The following SGCD variants were observed in gnomAD, a reference collection of about 807,000 sequenced individuals.
The protein encoded by SGCD is sarcoglycan delta, also known as delta-sarcoglycan.
In SGCD, 18 loss-of-function variants were observed where a neutral mutation model predicts 36.6. That is an observed-to-expected ratio of 0.49 (90% confidence interval 0.34 to 0.73). The LOEUF (loss-of-function observed/expected upper bound fraction) is 0.73. Among genes scored for constraint, SGCD ranks in the 30% least tolerant of loss-of-function variants. The probability of loss-of-function intolerance (pLI) is 0.01; values close to 1 mark genes in which losing one functional copy is unlikely to be tolerated. For synonymous variants in SGCD, 133 were observed against 130.6 expected (o/e 1.02, Z -0.12); for missense variants, 387 against 346.7 (o/e 1.12, Z -0.92).
At chr5:156,705,637 G>T (rs1754710048) in intron 7 of SGCD, among the ~76,000 whole-genome samples, 1 of 152,100 alleles carries the variant, frequency 6.6e-6, no homozygotes, top group Non-Finnish European at 1.5e-5. Context: ...ACTCTCACCT[G>T]AAGGTCAGAG....
the SGCD span, among the ~76,000 whole-genome samples, chr5:155,818,726 G>A: frequency 6.6e-6 from 1 of 152,062 alleles, no homozygotes; most frequent in Non-Finnish European, 1.5e-5. Flanking sequence ...TCCCCATGCT[G>A]CCCAGACTGG....
Position 156,512,253 on chromosome 5 carries a change from T to C in SGCD, c.294+3551T>C, listed in dbSNP as rs116283038. Among the ~76,000 whole-genome samples, 430 of 150,970 alleles carry C rather than the reference T, an allele frequency of 2.8e-3. 1 individual carries two copies. The highest frequency in any genetic ancestry group is 1.0e-2 in the African/African-American group (411 of 41,114). On this transcript the variant is annotated intron_variant, in intron 4 of 8. Coordinates refer to ENST00000337851, the MANE Select transcript of SGCD (RefSeq NM_000337.6). The stretch of plus-strand genomic sequence containing the variant: ...TTTTATCAAACATTTTCCATGCATA[T>C]GTATTTTTCAACAAAACCATACCTT...
chr5:155,967,922 C>T (rs1258648495), intron 1 of SGCD, among the ~76,000 whole-genome samples: 1 of 151,978 alleles, frequency 6.6e-6, no homozygotes, highest in African/African-American at 2.4e-5. Context: ...TTCTATGTCT[C>T]ACCTTCTTCC....
chr5:156,223,756 G>A (rs974177904), intron 3 of SGCD, among the ~76,000 whole-genome samples: 12 of 152,008 alleles, frequency 7.9e-5, no homozygotes, highest in African/African-American at 2.7e-4. Flanking sequence ...GGATAGAAGT[G>A]GCATTGCTGG....
chr5:156,535,017 A>G (rs1007179451), intron 4 of SGCD, among the ~76,000 whole-genome samples: 1 of 152,226 alleles, frequency 6.6e-6, no homozygotes, highest in African/African-American at 2.4e-5. Flanking sequence ...CAGTTGACTC[A>G]TTTTGAATCC....
intron 3 of SGCD, among the ~76,000 whole-genome samples, chr5:156,364,983 A>G (rs1284830430): frequency 6.6e-6 from 1 of 152,204 alleles, no homozygotes; most frequent in African/African-American, 2.4e-5. Context: ...GCAAGGGCAT[A>G]CTCAGATAGC....
upstream of SGCD, among the ~76,000 whole-genome samples, chr5:156,326,101 A>C (rs139476699): frequency 0.015 from 2,270 of 152,344 alleles, 21 homozygotes; most frequent in Non-Finnish European, 0.024. Flanking sequence ...CTCTCTCTTT[A>C]AATCACCTCT....
chr5:156,051,363 T>G (rs1157788223), intron 1 of SGCD, among the ~76,000 whole-genome samples: 1 of 146,122 alleles, frequency 6.8e-6, no homozygotes, highest in African/African-American at 2.5e-5. Context: ...GTACCCTGGT[T>G]AATAGTCCAG....
intron 1 of SGCD, among the ~76,000 whole-genome samples, chr5:155,947,070 A>G (rs982257678): frequency 1.3e-5 from 2 of 152,206 alleles, no homozygotes; most frequent in African/African-American, 4.8e-5. Flanking sequence ...TGTCATTCAC[A>G]GATAGAGAGA....
chr5:156,465,335 T>G (rs1212628922), intron 3 of SGCD, among the ~76,000 whole-genome samples: 1 of 152,196 alleles, frequency 6.6e-6, no homozygotes, highest in Non-Finnish European at 1.5e-5. Context: ...CTGATGCTGC[T>G]GATCCTCCTA....
chr5:156,124,876 T>C (rs565410788), intron 3 of SGCD, among the ~76,000 whole-genome samples: 1 of 152,022 alleles, frequency 6.6e-6, no homozygotes, highest in Non-Finnish European at 1.5e-5. Context: ...GCACAACTCA[T>C]AACAACCATC....
chr5:155,886,181 A>G (rs1440911352), intron 1 of SGCD, among the ~76,000 whole-genome samples: 2 of 152,222 alleles, frequency 1.3e-5, no homozygotes, highest in African/African-American at 4.8e-5. Context: ...TTTAATTCAA[A>G]AAGAGGTAAC....
At chr5:155,869,739 G>A (rs879861813), upstream of SGCD, among the ~76,000 whole-genome samples, 1 of 151,986 alleles carries the variant, frequency 6.6e-6, no homozygotes, top group Non-Finnish European at 1.5e-5. Context: ...GGTGGCTCAT[G>A]CCTGTAATCC....
chr5:156,377,573 G>T (rs935102612), intron 3 of SGCD, among the ~76,000 whole-genome samples: 1 of 152,100 alleles, frequency 6.6e-6, no homozygotes, highest in Non-Finnish European at 1.5e-5. Flanking sequence ...CCTAGTGCAC[G>T]ACAGGCTTTC....
chr5:156,195,711 G>C (rs1325363500), intron 3 of SGCD, among the ~76,000 whole-genome samples: 1 of 152,166 alleles, frequency 6.6e-6, no homozygotes, highest in Non-Finnish European at 1.5e-5. Flanking sequence ...CTGTGGCTGG[G>C]ATTGGGCAAA....
At chr5:156,612,154 C>T (rs559811350) in intron 6 of SGCD, among the ~76,000 whole-genome samples, 1 of 152,072 alleles carries the variant, frequency 6.6e-6, no homozygotes, top group East Asian at 1.9e-4. Context: ...GTTTCTTGTA[C>T]CCCTATGTTG....
intron 1 of SGCD, among the ~76,000 whole-genome samples, chr5:155,913,871 A>G (rs1374093125): frequency 6.6e-6 from 1 of 152,230 alleles, no homozygotes; most frequent in Non-Finnish European, 1.5e-5. Context: ...AGATTTCAAG[A>G]CCGTGGAAAC....
intron 3 of SGCD, among the ~76,000 whole-genome samples, chr5:156,227,433 G>A (rs1267936007): frequency 3.9e-5 from 6 of 152,032 alleles, no homozygotes; most frequent in African/African-American, 9.7e-5. Context: ...TTATTTCTGG[G>A]TTCTCTATTC....
In SGCD at chr5:156,564,627, C is replaced by G. The variant is rs190098077; in HGVS notation, c.295-24604C>G. Among the ~76,000 whole-genome samples, 692 of 152,158 alleles carry G rather than the reference C, an allele frequency of 4.5e-3. 4 individuals are homozygous for G. The highest frequency in any genetic ancestry group is 0.014 in the African/African-American group (577 of 41,494). On this transcript the variant is annotated intron_variant, in intron 4 of 8. Transcript: ENST00000337851. ...TCATCTTGTGAAACAAACTCTGTGC[C>G]CATTAAAAAATAACTCCCCATTCCC...
Sources: gnomAD v4.1 joint callset for allele counts (sites outside exome capture counted in the v4.1 genomes callset) on GRCh38, gnomAD v4.1.1 for gene constraint, MANE v1.5 for transcripts, NCBI Gene and HGNC (gene_info 2026-07-23, HGNC 2026-07-21) for gene names.